The following NALCN variants were observed in gnomAD, a reference collection of about 807,000 sequenced individuals.
NALCN encodes the protein sodium leak channel, non-selective.
NALCN carries 111 observed loss-of-function variants against 225.3 expected under a neutral mutation model. That is an observed-to-expected ratio of 0.49 (90% CI 0.42 to 0.58). NALCN has a LOEUF of 0.58. NALCN is among the 20% of genes least tolerant of loss of function. The pLI, the probability that NALCN is intolerant of heterozygous loss-of-function variation, is 0.00. For missense variants in NALCN, 1,378 were observed against 2,202.4 expected (o/e 0.63, Z 7.49); for synonymous variants, 764 against 769.0 (o/e 0.99, Z 0.11).
intron 14 of NALCN, chr13:101,181,038 T>C (rs2039193080): frequency 3.9e-6 from 2 of 512,428 alleles, no homozygotes; most frequent in African/African-American, 1.9e-5. Context: ...TTGAAGCATT[T>C]AGACTTGGAG....
intron 26 of NALCN, among the ~76,000 whole-genome samples, chr13:101,101,561 G>A (rs373177288): frequency 1.1e-4 from 16 of 152,086 alleles, no homozygotes; most frequent in Admixed American, 3.3e-4. Flanking sequence ...GATTACAGGC[G>A]TGAGCCACTA....
intron 15 of NALCN, among the ~76,000 whole-genome samples, 158 bp downstream of exon 15, chr13:101,176,142 T>C (rs968359480): frequency 6.6e-6 from 1 of 152,206 alleles, no homozygotes; most frequent in Non-Finnish European, 1.5e-5. Context: ...TTGTTAATAT[T>C]AGATAAAAGT....
chr13:101,080,657 A>G (rs2033583438), intron 34 of NALCN, among the ~76,000 whole-genome samples: 1 of 146,694 alleles, frequency 6.8e-6, no homozygotes, highest in Admixed American at 6.8e-5. Flanking sequence ...TATATAATAT[A>G]TAACTATATA....
intron 6 of NALCN, among the ~76,000 whole-genome samples, chr13:101,353,651 A>T (rs539976606): frequency 7.2e-5 from 11 of 152,300 alleles, no homozygotes; most frequent in African/African-American, 2.4e-4. Context: ...TTTAATAAAC[A>T]AGTTAACCTG....
chr13:101,389,681 C>T (rs776937388), intron 3 of NALCN, among the ~76,000 whole-genome samples: 12 of 152,148 alleles, frequency 7.9e-5, no homozygotes, highest in Non-Finnish European at 1.5e-4. Flanking sequence ...GGCTACTCTA[C>T]CCAATGTGTG....
chr13:101,189,136 T>C (rs1747241), intron 14 of NALCN, among the ~76,000 whole-genome samples: 55,155 of 152,066 alleles, frequency 0.36, 10,598 homozygotes, highest in African/African-American at 0.43. Flanking sequence ...TGTTTTTCTC[T>C]TTAGTGTTAC....
chr13:101,104,704 A>G lies in NALCN; in HGVS notation c.2637-54T>C. 6.2e-7 allele frequency: 1 copy of G among 1,610,106 alleles called. No individual in the cohort carries two copies. The highest frequency in any genetic ancestry group is 8.5e-7 in the Non-Finnish European group (1 of 1,177,824). The stretch of plus-strand genomic sequence containing the variant: ...CATAAAGGTTCCAGGAAAGGCTTCT[A>G]AGAGTTAGAGATGATGGCTTCTGTG... On this transcript the variant is annotated intron_variant, in intron 23 of 43. Coordinates refer to ENST00000251127, the MANE Select transcript of NALCN (RefSeq NM_052867.4). The surrounding 1 kb of genome is among the most constrained non-coding windows in gnomAD (Gnocchi z 4.2).
At position 101,143,088 on chromosome 13, in the gene NALCN, C is replaced by A; in HGVS notation, c.2110G>T (p.Asp704Tyr). Residue 704 changes from aspartate to tyrosine, a missense_variant, in exon 17 of 44, where the codon GAC becomes TAC. This residue lies in a region of NALCN where 100 missense variants were observed against 89.4 expected (regional missense o/e 1.12). Coordinates refer to ENST00000251127, the MANE Select transcript of NALCN (RefSeq NM_052867.4). Reference sequence around the variant, plus strand: ...GAAACAGCAGATCTTACTTTTTGGTCGATGTATTTGTTGTCCTCAATTGCT... The same window carrying A: ...GAAACAGCAGATCTTACTTTTTGGTAGATGTATTTGTTGTCCTCAATTGCT... ...RSAIEDNKYI[D>Y]QKLRKSVFSI... 6.2e-7 allele frequency: 1 copy of A among 1,613,996 alleles called. No individual in the cohort carries two copies. Among genetic ancestry groups the A allele is most frequent in the South Asian group, 1.1e-5 (1 of 91,048 alleles).
chr13:101,256,027 C>T (rs2042217858), intron 11 of NALCN, among the ~76,000 whole-genome samples: 1 of 152,160 alleles, frequency 6.6e-6, no homozygotes, highest in African/African-American at 2.4e-5. Flanking sequence ...AAGAACTGGC[C>T]TCACTCTGAG....
intron 17 of NALCN, among the ~76,000 whole-genome samples, chr13:101,125,243 G>A (rs1438794065): frequency 6.6e-6 from 1 of 152,128 alleles, no homozygotes; most frequent in Non-Finnish European, 1.5e-5. Context: ...GCTCAGTTCT[G>A]TGTGGCTTGC....
At chr13:101,369,063 C>A in intron 6 of NALCN, 1 of 317,014 alleles carries the variant, frequency 3.2e-6, no homozygotes, top group Admixed American at 4.3e-5. Flanking sequence ...ATTATCAAAG[C>A]TATAACAGTT....
At chr13:101,121,452 T>G (rs1306397605) in intron 18 of NALCN, among the ~76,000 whole-genome samples, 1 of 152,176 alleles carries the variant, frequency 6.6e-6, no homozygotes, top group African/African-American at 2.4e-5. Flanking sequence ...TGCACACAAA[T>G]TAGGACGAAT....
At chr13:101,284,164 GTTCT>G in intron 9 of NALCN, 145 bp from the exon 10 acceptor site, 1 of 632,066 alleles carries the variant, frequency 1.6e-6, no homozygotes, top group South Asian at 2.2e-5. Context: ...TTCAATTATA[GTTCT>G]TTAACATTGA....
chr13:101,101,025 T>C, intron 26 of NALCN, 137 bp from the exon 27 acceptor site: 1 of 627,476 alleles, frequency 1.6e-6, no homozygotes, highest in Non-Finnish European at 2.6e-6. Context: ...TTTTAACTTC[T>C]CCACCATAGG....
At chr13:101,332,397 CAAAAAAAAAAA>C (rs753158247) in intron 7 of NALCN, among the ~76,000 whole-genome samples, 13 of 57,854 alleles carry the variant, frequency 2.2e-4, no homozygotes, top group African/African-American at 7.6e-4. Flanking sequence ...TTCACAAAGC[CAAAAAAAAAAA>C]AAAAAAAAAA....
chr13:101,204,609 T>G lies in NALCN; in HGVS notation c.1627-12555A>C, dbSNP rs1398976377. On this transcript the variant is annotated intron_variant, in intron 13 of 43. Coordinates refer to ENST00000251127, the MANE Select transcript of NALCN (RefSeq NM_052867.4). ...AATTACTTTAAGTGGAGTCTACACT[T>G]AAATATAATTTCAAGAGTAAAAGAA... 2.0e-5 allele frequency among the ~76,000 whole-genome samples: 3 copies of G among 152,194 alleles called. No individual in the cohort carries two copies. The East Asian group carries it at 5.8e-4, about 29-fold the overall frequency.
intron 13 of NALCN, among the ~76,000 whole-genome samples, chr13:101,213,993 C>T (rs557082961): frequency 3.3e-5 from 5 of 152,234 alleles, no homozygotes; most frequent in African/African-American, 1.2e-4. Flanking sequence ...CACATGCACA[C>T]GTATGTTTAT....
intron 10 of NALCN, among the ~76,000 whole-genome samples, chr13:101,273,682 G>A (rs568023466): frequency 4.6e-4 from 70 of 151,940 alleles, no homozygotes; most frequent in Non-Finnish European, 8.4e-4. Context: ...TCAGGAGATC[G>A]AGACCATCCT....
At chr13:101,197,806 G>T (rs892189473) in intron 13 of NALCN, among the ~76,000 whole-genome samples, 1 of 152,164 alleles carries the variant, frequency 6.6e-6, no homozygotes, top group Non-Finnish European at 1.5e-5. Flanking sequence ...AGTAGGCTCT[G>T]GAAGTGAACA....
Sources: allele counts gnomAD v4.1 joint callset (sites outside exome capture counted in the v4.1 genomes callset), GRCh38; gene constraint gnomAD v4.1.1; regional missense constraint gnomAD v4.1.1; non-coding constraint Gnocchi (gnomAD v3.1); transcripts MANE v1.5; gene names NCBI Gene and HGNC (gene_info 2026-07-23, HGNC 2026-07-21).